GRM1: variants seen among roughly 807,000 people sequenced by gnomAD.
The protein encoded by GRM1 is metabotropic glutamate receptor 1.
A neutral mutation model predicts 90.9 loss-of-function variants in GRM1; 33 were observed. The ratio of observed to expected loss-of-function variants is 0.36; its 90% CI spans 0.28 to 0.49. The LOEUF is 0.49. Ranked by LOEUF, GRM1 falls within the 20% of genes least tolerant of loss-of-function variation. The pLI is 0.99. For synonymous variants in GRM1, 700 were observed against 613.2 expected, an observed-to-expected ratio of 1.14 and a Z score of -2.09; for missense variants, 1,190 against 1,534.3, an observed-to-expected ratio of 0.78 and a Z score of 3.75.
intron 1 of GRM1, among the ~76,000 whole-genome samples, chr6:146,118,504 C>T (rs1404093131): frequency 5.3e-5 from 8 of 152,068 alleles, no homozygotes; most frequent in Admixed American, 1.3e-4. Flanking sequence ...TTGTTACATA[C>T]GTATATATGT....
At chr6:146,378,524 G>A (rs532009498) in intron 5 of GRM1, among the ~76,000 whole-genome samples, 5 of 152,266 alleles carry the variant, frequency 3.3e-5, no homozygotes, top group African/African-American at 7.2e-5. Flanking sequence ...ATTGGGTTTC[G>A]GACTTGGATG....
At chr6:146,426,581 C>A in intron 7 of GRM1, 1 of 1,612,592 alleles carries the variant, frequency 6.2e-7, no homozygotes, top group Non-Finnish European at 8.5e-7. Context: ...AGAATTCTCG[C>A]CCACCAGCCA....
chr6:146,264,262 T>C (rs143167610), intron 2 of GRM1, among the ~76,000 whole-genome samples: 1 of 152,196 alleles, frequency 6.6e-6, no homozygotes, highest in East Asian at 1.9e-4. Context: ...TTCAGTGTTC[T>C]AAAATGAGTC....
chr6:146,316,626 G>T (rs1170552711), intron 3 of GRM1, among the ~76,000 whole-genome samples: 1 of 152,174 alleles, frequency 6.6e-6, no homozygotes, highest in Non-Finnish European at 1.5e-5. Context: ...CCTGTGAAAG[G>T]TAAAACATCC....
intron 2 of GRM1, among the ~76,000 whole-genome samples, chr6:146,283,674 T>A (rs770678719): frequency 1.3e-5 from 2 of 152,338 alleles, no homozygotes; most frequent in South Asian, 4.1e-4. Context: ...GAGCTCATCA[T>A]TGACGTCAGA....
At chr6:146,162,141 T>C (rs1190388389) in intron 2 of GRM1, among the ~76,000 whole-genome samples, 1 of 152,210 alleles carries the variant, frequency 6.6e-6, no homozygotes, top group African/African-American at 2.4e-5. Context: ...GGATTTTATC[T>C]ACCAAATGTT....
At chr6:146,260,165 C>T (rs745900251) in intron 2 of GRM1, among the ~76,000 whole-genome samples, 4 of 151,938 alleles carry the variant, frequency 2.6e-5, no homozygotes, top group Non-Finnish European at 4.4e-5. Flanking sequence ...CCCTAGGCCC[C>T]CACCCCTCAA....
intron 2 of GRM1, among the ~76,000 whole-genome samples, chr6:146,281,273 G>T (rs1346808072): frequency 1.3e-5 from 2 of 152,072 alleles, no homozygotes; most frequent in Non-Finnish European, 2.9e-5. Flanking sequence ...AGAGACTCAG[G>T]GACCAGGATT....
chr6:146,399,660 A>G lies in GRM1; in HGVS notation c.2621A>G (p.Asn874Ser), dbSNP rs1346080418. 11 of 1,613,684 alleles carry G rather than the reference A, an allele frequency of 6.8e-6. No individual in the cohort carries two copies. The highest frequency in any genetic ancestry group is 1.1e-5 in the South Asian group (1 of 91,062). The change falls in exon 7 of 8, where the codon AAC becomes AGC. Residue 874 changes from asparagine to serine, a missense_variant. Physicochemically the swap from Asn to Ser is conservative, Grantham distance 46 (BLOSUM62 1). Around this residue, in one of 10 missense-constraint regions of GRM1, gnomAD observed 400 missense variants for 360.8 expected, o/e 1.11. Transcript: ENST00000282753. The surrounding 1 kb of genome is among the most constrained non-coding windows in gnomAD (Gnocchi z 5.4). The stretch of plus-strand genomic sequence containing the variant: ...CCCTGCCGCTCCAACACTTTCCTCA[A>G]CATCTTCCGAAGAAAGAAGGCAGGG... ...KLPCRSNTFL[N>S]IFRRKKAGAG... is the part of the protein sequence containing the mutation.
intron 1 of GRM1, among the ~76,000 whole-genome samples, chr6:146,043,213 C>T (rs536641910): frequency 6.6e-6 from 1 of 152,070 alleles, no homozygotes; most frequent in East Asian, 1.9e-4. Context: ...AAGAGGATTA[C>T]TTGAGCCCAA....
chr6:146,217,263 A>G (rs1779905366), intron 2 of GRM1, among the ~76,000 whole-genome samples: 2 of 152,196 alleles, frequency 1.3e-5, no homozygotes, highest in Non-Finnish European at 2.9e-5. Context: ...ACCTTTGTGT[A>G]TGTTCTTGTT....
At chr6:146,219,329 G>A (rs953773749) in intron 2 of GRM1, among the ~76,000 whole-genome samples, 2 of 152,174 alleles carry the variant, frequency 1.3e-5, no homozygotes, top group Admixed American at 1.3e-4. Flanking sequence ...CTTTGATAAA[G>A]CCACCAGGGG....
chr6:146,340,520 T>C, intron 3 of GRM1: 1 of 152,390 alleles, frequency 6.6e-6, no homozygotes, highest in Non-Finnish European at 1.5e-5. Flanking sequence ...AATCAGAGCA[T>C]GGGACCAAAG....
chr6:146,232,363 C>T lies in GRM1; in HGVS notation c.951-72248C>T, dbSNP rs138561194. Among the ~76,000 whole-genome samples the T allele has an allele frequency of 4.6e-3, 693 of 152,046 alleles. 4 individuals carry two copies. Among genetic ancestry groups the T allele is most frequent in the Middle Eastern group, 0.017 (5 of 294 alleles). On this transcript the variant is annotated intron_variant, in intron 2 of 7. Coordinates refer to ENST00000282753, the MANE Select transcript of GRM1 (RefSeq NM_001278064.2). ...GTCCAGGTAGTTTATGTCATAATCT[C>T]CCCTTGTTTTTAATTTTTTTAAATT... is the stretch of plus-strand genomic sequence containing the variant.
intron 1 of GRM1, among the ~76,000 whole-genome samples, chr6:146,141,271 T>C (rs1776870288): frequency 6.6e-6 from 1 of 151,930 alleles, no homozygotes; most frequent in Non-Finnish European, 1.5e-5. Context: ...CTCCATTGTC[T>C]GTTCTTAGTT....
chr6:146,182,519 T>A (rs187638746), intron 2 of GRM1, among the ~76,000 whole-genome samples: 1 of 147,850 alleles, frequency 6.8e-6, no homozygotes, highest in East Asian at 1.9e-4. Flanking sequence ...ACAGGCAAAA[T>A]TCTAATGACA....
chr6:146,275,031 AAAAAAAG>A lies in GRM1; in HGVS notation c.951-29566_951-29560del, dbSNP rs1236804842. On this transcript the variant is annotated intron_variant, in intron 2 of 7. Coordinates refer to ENST00000282753, the MANE Select transcript of GRM1 (RefSeq NM_001278064.2). ...GGTGACAGAGTGAGACTCTGTATCC[AAAAAAAG>A]AAAAAAGAAAAAAATTAAAAAGAAA... Among the ~76,000 whole-genome samples the A allele has an allele frequency of 5.3e-5, 8 of 152,240 alleles. No individual in the cohort carries two copies. In the East Asian group the frequency reaches 1.2e-3, roughly 22 times the overall value.
At chr6:146,295,688 T>C (rs879462908) in intron 2 of GRM1, among the ~76,000 whole-genome samples, 2 of 152,212 alleles carry the variant, frequency 1.3e-5, no homozygotes, top group Non-Finnish European at 2.9e-5. Flanking sequence ...AGTCTGTGTA[T>C]GTATATGTAT....
intron 1 of GRM1, among the ~76,000 whole-genome samples, chr6:146,125,214 C>T (rs769859674): frequency 6.6e-5 from 10 of 152,080 alleles, no homozygotes; most frequent in Non-Finnish European, 1.2e-4. Context: ...CTTTATCACT[C>T]CCAACACCCA....
Sources: gnomAD v4.1 joint callset for allele counts (sites outside exome capture counted in the v4.1 genomes callset) on GRCh38, gnomAD v4.1.1 for gene constraint, gnomAD v4.1.1 regional missense constraint, Gnocchi (gnomAD v3.1) non-coding constraint, MANE v1.5 for transcripts, NCBI Gene and HGNC (gene_info 2026-07-23, HGNC 2026-07-21) for gene names.